The following GALNT13 variants were observed in gnomAD, a reference collection of about 807,000 sequenced individuals.
GALNT13 encodes the protein UDP-GalNAc:polypeptide N-acetylgalactosaminyltransferase 13.
A neutral mutation model predicts 64.2 loss-of-function variants in GALNT13; 28 were observed. The observed-to-expected ratio is 0.44, with a 90% CI of 0.32 to 0.60. GALNT13 has a LOEUF of 0.60. Ranked by LOEUF, GALNT13 falls within the 20% of genes least tolerant of loss-of-function variation. The pLI is 0.05. For missense variants in GALNT13, 577 were observed against 669.8 expected (o/e 0.86, Z 1.53); for synonymous variants, 214 against 224.6 (o/e 0.95, Z 0.42).
chr2:153,340,834 T>A, the GALNT13 span, among the ~76,000 whole-genome samples: 17 of 152,340 alleles, frequency 1.1e-4, no homozygotes, highest in East Asian at 3.1e-3. Context: ...TTAGCCAATT[T>A]CCCTGAATTC....
chr2:153,390,326 G>T, the GALNT13 span, among the ~76,000 whole-genome samples: 1 of 152,074 alleles, frequency 6.6e-6, no homozygotes, highest in Non-Finnish European at 1.5e-5. Context: ...TGGGGGGCTA[G>T]GGGCAGGATA....
chr2:154,286,679 T>G, intron 8 of GALNT13: 1 of 313,256 alleles, frequency 3.2e-6, no homozygotes, highest in South Asian at 3.2e-5. Context: ...TTATACAGTG[T>G]GCATGCTGGA....
chr2:153,982,047 T>A (rs1282044656), intron 3 of GALNT13, among the ~76,000 whole-genome samples: 2 of 152,092 alleles, frequency 1.3e-5, no homozygotes, highest in African/African-American at 4.8e-5. Context: ...AACTGAAAGG[T>A]AATTTCAGCT....
the GALNT13 span, among the ~76,000 whole-genome samples, chr2:153,319,832 A>T: frequency 6.6e-6 from 1 of 152,190 alleles, no homozygotes; most frequent in Non-Finnish European, 1.5e-5. Flanking sequence ...ACTAACTTTC[A>T]TGGTTCCCAT....
chr2:153,226,075 T>C, the GALNT13 span, among the ~76,000 whole-genome samples: 1 of 152,196 alleles, frequency 6.6e-6, no homozygotes, highest in African/African-American at 2.4e-5. Context: ...TAGCTGGGAC[T>C]ACAGGCACGT....
chr2:154,172,495 A>G (rs1051232513), intron 4 of GALNT13, among the ~76,000 whole-genome samples: 1 of 151,900 alleles, frequency 6.6e-6, no homozygotes, highest in African/African-American at 2.4e-5. Context: ...TTCTGTCTTC[A>G]TGACGTCCAT....
At chr2:153,432,066 A>C in the GALNT13 span, among the ~76,000 whole-genome samples, 8 of 151,978 alleles carry the variant, frequency 5.3e-5, no homozygotes, top group African/African-American at 1.9e-4. Context: ...TTTCTTTTTT[A>C]GTGTTCTGGT....
At chr2:153,656,059 G>A in the GALNT13 span, among the ~76,000 whole-genome samples, 8 of 152,030 alleles carry the variant, frequency 5.3e-5, no homozygotes, top group East Asian at 1.9e-4. Context: ...GTATGTCTCC[G>A]TAATTAAACA....
chr2:153,186,707 C>CAGGT, the GALNT13 span, among the ~76,000 whole-genome samples: 6 of 151,956 alleles, frequency 3.9e-5, no homozygotes, highest in Non-Finnish European at 8.8e-5. Context: ...ACTGGGAGTA[C>CAGGT]AGGTGTCTGC....
intron 4 of GALNT13, among the ~76,000 whole-genome samples, chr2:154,210,197 T>C (rs1190378041): frequency 2.0e-5 from 3 of 152,202 alleles, no homozygotes; most frequent in East Asian, 3.8e-4. Flanking sequence ...TAGTATTCCA[T>C]TGTATATTTA....
chr2:154,173,094 T>C (rs1685453137), intron 4 of GALNT13, among the ~76,000 whole-genome samples: 1 of 152,020 alleles, frequency 6.6e-6, no homozygotes, highest in East Asian at 1.9e-4. Context: ...GAAACTGTAG[T>C]AACCAAATCA....
the GALNT13 span, among the ~76,000 whole-genome samples, chr2:153,628,330 C>A: frequency 3.9e-5 from 6 of 152,000 alleles, no homozygotes; most frequent in Admixed American, 2.6e-4. Flanking sequence ...AATTGAATAC[C>A]CTTTATTTCC....
the GALNT13 span, among the ~76,000 whole-genome samples, chr2:153,676,299 C>T: frequency 6.6e-6 from 1 of 151,936 alleles, no homozygotes; most frequent in Admixed American, 6.6e-5. Flanking sequence ...ATACAACCTC[C>T]CAAGATTGAA....
chr2:154,064,396 C>T (rs982790688), intron 3 of GALNT13, among the ~76,000 whole-genome samples: 18 of 152,240 alleles, frequency 1.2e-4, no homozygotes, highest in Admixed American at 2.6e-4. Flanking sequence ...GAGACACTAG[C>T]CAGGGTGGCC....
At chr2:153,399,733 G>A in the GALNT13 span, among the ~76,000 whole-genome samples, 1 of 152,016 alleles carries the variant, frequency 6.6e-6, no homozygotes, top group African/African-American at 2.4e-5. Flanking sequence ...TTTGTCTGTG[G>A]TTGGTGTATA....
intron 9 of GALNT13, among the ~76,000 whole-genome samples, chr2:154,304,217 T>TA (rs540573022): frequency 4.7e-4 from 72 of 152,300 alleles, no homozygotes; most frequent in African/African-American, 1.5e-3. Flanking sequence ...TCTTCTATGT[T>TA]AAAAAGCTAT....
intron 6 of GALNT13, among the ~76,000 whole-genome samples, chr2:154,243,272 C>A (rs1029583543): frequency 1.3e-5 from 2 of 152,090 alleles, no homozygotes; most frequent in Non-Finnish European, 2.9e-5. Flanking sequence ...TTATCTATAA[C>A]TTATAATGAG....
chr2:154,025,184 G>A (rs1045334877), intron 3 of GALNT13, among the ~76,000 whole-genome samples: 5 of 152,134 alleles, frequency 3.3e-5, no homozygotes, highest in Non-Finnish European at 7.3e-5. Context: ...CAGATCTCAA[G>A]CTGCATGCTG....
chr2:153,472,301 TA>T, the GALNT13 span, among the ~76,000 whole-genome samples: 8 of 152,262 alleles, frequency 5.3e-5, no homozygotes, highest in African/African-American at 1.9e-4. Context: ...CTCTCTGTAA[TA>T]AAAAATACCA....
Sources: allele counts gnomAD v4.1 joint callset (sites outside exome capture counted in the v4.1 genomes callset), GRCh38; gene constraint gnomAD v4.1.1; transcripts MANE v1.5; gene names NCBI Gene and HGNC (gene_info 2026-07-23, HGNC 2026-07-21).